The following FTCDNL1 variants were observed in gnomAD, a reference collection of about 807,000 sequenced individuals.
The protein encoded by FTCDNL1 is formiminotransferase N-terminal subdomain-containing protein.
In FTCDNL1, 11 loss-of-function variants were observed where a neutral mutation model predicts 5.9. The ratio of observed to expected loss-of-function variants is 1.87; its 90% CI spans 1.18 to 3.10. FTCDNL1 has a LOEUF of 3.10. Ranked by LOEUF, FTCDNL1 falls within the 30% of genes most tolerant of loss-of-function variation. The pLI is 0.00. For synonymous variants in FTCDNL1, 58 were observed against 24.8 expected (o/e 2.34, Z -3.99); for missense variants, 115 against 65.5 (o/e 1.76, Z -2.61).
At chr2:199,773,287 C>A (rs563881312) in intron 3 of FTCDNL1, among the ~76,000 whole-genome samples, 6 of 152,242 alleles carry the variant, frequency 3.9e-5, no homozygotes, top group African/African-American at 1.2e-4. Context: ...CACAAACATA[C>A]ACTAAGAGTT....
chr2:199,666,423 T>C, the FTCDNL1 span, among the ~76,000 whole-genome samples: 1 of 152,212 alleles, frequency 6.6e-6, no homozygotes, highest in Non-Finnish European at 1.5e-5. Flanking sequence ...TTAATGGTAC[T>C]ATAGCACATG....
chr2:199,783,054 T>C (rs1416220850), intron 3 of FTCDNL1, among the ~76,000 whole-genome samples: 5 of 152,246 alleles, frequency 3.3e-5, no homozygotes, highest in South Asian at 2.1e-4. Context: ...GGATATCACT[T>C]TGACTTGCTA....
chr2:199,673,402 T>G, the FTCDNL1 span, among the ~76,000 whole-genome samples: 1 of 151,598 alleles, frequency 6.6e-6, no homozygotes, highest in Non-Finnish European at 1.5e-5. Context: ...TCCTTAAAAT[T>G]AATCATGAAT....
chr2:199,707,609 T>G, the FTCDNL1 span, among the ~76,000 whole-genome samples: 1 of 152,066 alleles, frequency 6.6e-6, no homozygotes, highest in Admixed American at 6.6e-5. Flanking sequence ...AAGTTTTCTT[T>G]CCTCTTTAAC....
chr2:199,781,327 T>TA (rs1260938247), intron 3 of FTCDNL1, among the ~76,000 whole-genome samples: 1 of 152,226 alleles, frequency 6.6e-6, no homozygotes, highest in African/African-American at 2.4e-5. Flanking sequence ...GCTTCCTTCC[T>TA]ACTGACAGGA....
At chr2:199,833,581 A>T (rs777845072) in intron 3 of FTCDNL1, among the ~76,000 whole-genome samples, 3 of 152,254 alleles carry the variant, frequency 2.0e-5, no homozygotes, top group Non-Finnish European at 4.4e-5. Flanking sequence ...AGCAATGTAT[A>T]AATAGCCTTC....
At chr2:199,665,272 C>G in the FTCDNL1 span, among the ~76,000 whole-genome samples, 1 of 152,022 alleles carries the variant, frequency 6.6e-6, no homozygotes, top group African/African-American at 2.4e-5. Flanking sequence ...TCTTTAGACA[C>G]CCCAGTTTCT....
chr2:199,752,870 G>A, the FTCDNL1 span, among the ~76,000 whole-genome samples: 2 of 151,918 alleles, frequency 1.3e-5, no homozygotes, highest in Non-Finnish European at 2.9e-5. Flanking sequence ...GAGAGAGAGA[G>A]AGAAGTATAT....
At chr2:199,758,566 T>C (rs1345671869), downstream of FTCDNL1, among the ~76,000 whole-genome samples, 1 of 152,070 alleles carries the variant, frequency 6.6e-6, no homozygotes, top group Non-Finnish European at 1.5e-5. Context: ...TCCATAAATT[T>C]AAAATGCACA....
chr2:199,840,915 G>C (rs919174008), intron 3 of FTCDNL1, among the ~76,000 whole-genome samples: 20 of 152,132 alleles, frequency 1.3e-4, no homozygotes, highest in Non-Finnish European at 1.3e-4. Context: ...CACTTTGAGA[G>C]GCTGAGGTGG....
At chr2:199,787,718 T>C (rs1435361165) in intron 3 of FTCDNL1, among the ~76,000 whole-genome samples, 3 of 152,100 alleles carry the variant, frequency 2.0e-5, no homozygotes, top group Admixed American at 6.6e-5. Flanking sequence ...TGACATTATA[T>C]GGGGGAAAAA....
chr2:199,682,284 T>C, the FTCDNL1 span, among the ~76,000 whole-genome samples: 1 of 152,198 alleles, frequency 6.6e-6, no homozygotes, highest in Non-Finnish European at 1.5e-5. Context: ...CCTTTGGACC[T>C]GAACTGCAAT....
chr2:199,786,877 T>C (rs1699678032), intron 3 of FTCDNL1, among the ~76,000 whole-genome samples: 1 of 152,188 alleles, frequency 6.6e-6, no homozygotes, highest in Non-Finnish European at 1.5e-5. Flanking sequence ...GTGGGTCTCA[T>C]TGGGTGAAAA....
At chr2:199,826,896 GA>G (rs892622788) in intron 3 of FTCDNL1, among the ~76,000 whole-genome samples, 5 of 152,098 alleles carry the variant, frequency 3.3e-5, no homozygotes, top group African/African-American at 1.2e-4. Context: ...AATTTTAATA[GA>G]AAAAAATCCA....
At chr2:199,680,078 TA>T in the FTCDNL1 span, among the ~76,000 whole-genome samples, 3 of 152,090 alleles carry the variant, frequency 2.0e-5, no homozygotes, top group Non-Finnish European at 4.4e-5. Context: ...AGCTAGATTG[TA>T]AAAAGGCCAG....
intron 3 of FTCDNL1, among the ~76,000 whole-genome samples, chr2:199,776,956 ATATGTGTGTGTGTGTGTGTG>A (rs1197484467): frequency 1.8e-5 from 2 of 110,172 alleles, no homozygotes; most frequent in Non-Finnish European, 3.5e-5. Flanking sequence ...AGATGTGTGT[ATATGTGTGTGTGTGTGTGTG>A]TGTGTGTGTG....
At chr2:199,685,058 G>C in the FTCDNL1 span, among the ~76,000 whole-genome samples, 115 of 152,084 alleles carry the variant, frequency 7.6e-4, no homozygotes, top group African/African-American at 2.6e-3. Context: ...TGTGGAGCTC[G>C]TACTTCCTCC....
the FTCDNL1 span, among the ~76,000 whole-genome samples, chr2:199,681,379 C>G: frequency 9.2e-5 from 14 of 151,990 alleles, no homozygotes; most frequent in Non-Finnish European, 1.9e-4. Flanking sequence ...TTGCTTGAAC[C>G]CGGGAGGCGG....
chr2:199,751,371 T>C, the FTCDNL1 span, among the ~76,000 whole-genome samples: 11 of 152,188 alleles, frequency 7.2e-5, no homozygotes, highest in Admixed American at 5.2e-4. Flanking sequence ...TATTTGTTAT[T>C]TGAAATGATG....
Sources: allele counts gnomAD v4.1 joint callset (sites outside exome capture counted in the v4.1 genomes callset), GRCh38; gene constraint gnomAD v4.1.1; transcripts MANE v1.5; gene names NCBI Gene and HGNC (gene_info 2026-07-23, HGNC 2026-07-21).